Variants in USH2A observed in about 807,000 individuals in gnomAD.
USH2A encodes the protein usherin, also known as Usher syndrome 2A (autosomal recessive, mild).
A neutral mutation model predicts 538.9 loss-of-function variants in USH2A; 443 were observed. The ratio of observed to expected loss-of-function variants is 0.82; its 90% CI spans 0.76 to 0.89. The LOEUF (loss-of-function observed/expected upper bound fraction) is 0.89, where lower values mean the gene tolerates loss of function less well. USH2A is among the 40% of genes least tolerant of loss of function. USH2A has a pLI of 0.00. For missense variants in USH2A, 6,633 were observed against 6,324.8 expected (o/e 1.05, Z -1.65); for synonymous variants, 2,413 against 2,273.5 (o/e 1.06, Z -1.75).
At chr1:216,044,942 G>A (rs1445503399) in intron 32 of USH2A, among the ~76,000 whole-genome samples, 1 of 152,066 alleles carries the variant, frequency 6.6e-6, no homozygotes, top group African/African-American at 2.4e-5. Flanking sequence ...CAGACTAGAG[G>A]GGGGCCAAAA....
chr1:215,880,961 C>T (rs915441844), intron 41 of USH2A, among the ~76,000 whole-genome samples: 9 of 151,968 alleles, frequency 5.9e-5, no homozygotes, highest in African/African-American at 1.2e-4. Flanking sequence ...CAAAAATCAC[C>T]TGGGTGTGGT....
intron 3 of USH2A, among the ~76,000 whole-genome samples, chr1:216,411,180 C>T (rs1187305475): frequency 2.0e-5 from 3 of 152,080 alleles, no homozygotes; most frequent in Admixed American, 6.6e-5. Flanking sequence ...ACTTTGCCAG[C>T]GACACTCTAA....
intron 21 of USH2A, among the ~76,000 whole-genome samples, chr1:216,155,234 TA>T (rs1168699607): frequency 6.6e-6 from 1 of 152,084 alleles, no homozygotes; most frequent in Non-Finnish European, 1.5e-5. Context: ...TCTCAGAGAC[TA>T]AAAACCACCT....
At chr1:216,401,593 A>AT (rs1198770275) in intron 3 of USH2A, among the ~76,000 whole-genome samples, 2 of 152,070 alleles carry the variant, frequency 1.3e-5, no homozygotes, top group Non-Finnish European at 2.9e-5. Flanking sequence ...GTCAGTTGAA[A>AT]TTAGTAATCA....
intron 3 of USH2A, among the ~76,000 whole-genome samples, chr1:216,408,043 A>G (rs2039425312): frequency 6.6e-6 from 1 of 152,130 alleles, no homozygotes. Flanking sequence ...CCTTTTACAT[A>G]TATTATACAA....
At chr1:216,007,551 T>C (rs768654013) in intron 32 of USH2A, among the ~76,000 whole-genome samples, 2 of 152,170 alleles carry the variant, frequency 1.3e-5, no homozygotes, top group Non-Finnish European at 1.5e-5. Flanking sequence ...TGACCCCTGT[T>C]TTCAAGGTAG....
intron 37 of USH2A, among the ~76,000 whole-genome samples, chr1:215,951,938 C>T (rs1571840948): frequency 6.6e-6 from 1 of 151,656 alleles, no homozygotes; most frequent in African/African-American, 2.4e-5. Flanking sequence ...AATCTCGGCT[C>T]ACTGCAAGCT....
intron 21 of USH2A, among the ~76,000 whole-genome samples, chr1:216,155,625 C>A (rs896164354): frequency 6.6e-6 from 1 of 152,176 alleles, no homozygotes; most frequent in African/African-American, 2.4e-5. Flanking sequence ...TCCTAACCTT[C>A]AAGACTTCAG....
At chr1:215,703,874 C>A (rs904954904) in intron 61 of USH2A, among the ~76,000 whole-genome samples, 2 of 150,950 alleles carry the variant, frequency 1.3e-5, no homozygotes, top group Admixed American at 1.3e-4. Context: ...AAAAAAAACT[C>A]CTGCAGCTAC....
In USH2A at chr1:216,321,947, C is replaced by A. The variant is rs755735339; in HGVS notation, c.1580G>T (p.Cys527Phe). 1 of 1,613,774 alleles carries A rather than the reference C, an allele frequency of 6.2e-7. No individual in the cohort carries two copies. Among genetic ancestry groups the A allele is most frequent in the Non-Finnish European group, 8.5e-7 (1 of 1,179,854 alleles). The change falls in exon 9 of 72, where the codon TGC becomes TTC. Residue 527 changes from cysteine to phenylalanine, a missense_variant. Cys to Phe is a radical substitution (Grantham distance 205). Transcript: ENST00000307340. The part of the protein sequence containing the change: ...RCQCHGHADN[C>F]DTTSQPYRCL... ...TCTATATGGCTGGCTTGTTGTGTCG[C>A]AGTTATCGGCATGACCATGGCACTG...
At chr1:215,870,810 T>A (rs1297094587) in intron 43 of USH2A, among the ~76,000 whole-genome samples, 1 of 152,126 alleles carries the variant, frequency 6.6e-6, no homozygotes, top group Non-Finnish European at 1.5e-5. Context: ...TCAAATGGAC[T>A]TACGTGTTGA....
chr1:216,343,529 A>AG (rs572634243), intron 4 of USH2A, among the ~76,000 whole-genome samples: 110 of 151,662 alleles, frequency 7.3e-4, no homozygotes, highest in African/African-American at 2.5e-3. Flanking sequence ...ACATCTTAAA[A>AG]AAAAAAAAAA....
chr1:216,374,845 C>T (rs999428813), intron 3 of USH2A, among the ~76,000 whole-genome samples: 2 of 152,082 alleles, frequency 1.3e-5, no homozygotes, highest in African/African-American at 2.4e-5. Flanking sequence ...GTTCTAGGCT[C>T]ATTTTGTACT....
chr1:215,967,410 A>G (rs2102455631), intron 36 of USH2A, among the ~76,000 whole-genome samples: 1 of 152,134 alleles, frequency 6.6e-6, no homozygotes, highest in African/African-American at 2.4e-5. Context: ...CTTGTGATCC[A>G]CCCACTTTGA....
intron 3 of USH2A, among the ~76,000 whole-genome samples, chr1:216,367,107 A>G (rs1248491765): frequency 6.6e-6 from 1 of 152,142 alleles, no homozygotes; most frequent in African/African-American, 2.4e-5. Flanking sequence ...TGAACAGCCA[A>G]TTTTCCTTTA....
At chr1:215,809,152 T>G (rs1034871338) in intron 49 of USH2A, among the ~76,000 whole-genome samples, 2 of 152,154 alleles carry the variant, frequency 1.3e-5, no homozygotes, top group African/African-American at 2.4e-5. Flanking sequence ...GTAAAATAAT[T>G]CTATTTCGTC....
chr1:215,674,734 A>G lies in USH2A; in HGVS notation c.13177T>C (p.Tyr4393His). ...CCAGCAAGGGACTCTTTATTATCATATCTAACTAAATATTTAGTAATCTTT... is the reference window on the plus strand; with the variant it reads ...CCAGCAAGGGACTCTTTATTATCATGTCTAACTAAATATTTAGTAATCTTT... ...NGKITKYLVR[Y>H]DNKESLAGQG... The change falls in exon 63 of 72, where the codon TAT becomes CAT. Residue 4393 changes from tyrosine (Y) to histidine (H), a missense_variant. Transcript: ENST00000307340. 6.2e-7 allele frequency: 1 copy of G among 1,614,154 alleles called. No homozygotes were observed. Among genetic ancestry groups the G allele is most frequent in the Non-Finnish European group, 8.5e-7 (1 of 1,180,032 alleles).
chr1:215,958,838 T>A (rs2102448583), intron 37 of USH2A, among the ~76,000 whole-genome samples: 1 of 152,300 alleles, frequency 6.6e-6, no homozygotes, highest in South Asian at 2.1e-4. Context: ...TTTTCTTTTC[T>A]GTTTTGCAGA....
Position 216,296,732 on chromosome 1 carries a change from G to T in USH2A, c.1645-4362C>A, listed in dbSNP as rs540249434. On this transcript the variant is annotated intron_variant, in intron 9 of 71. Coordinates refer to ENST00000307340, the MANE Select transcript of USH2A (RefSeq NM_206933.4). ...AAATGAAACTCACTTCATAAAAGAA[G>T]AATATGTGGCAACCATTAAAATATT... is the stretch of plus-strand genomic sequence containing the variant. Among the ~76,000 whole-genome samples, 9 of 152,066 alleles carry T rather than the reference G, an allele frequency of 5.9e-5. No individual in the cohort carries two copies. In the South Asian group the frequency reaches 1.5e-3, roughly 25 times the overall value.
Sources: allele counts gnomAD v4.1 joint callset (sites outside exome capture counted in the v4.1 genomes callset), GRCh38; gene constraint gnomAD v4.1.1; transcripts MANE v1.5; gene names NCBI Gene and HGNC (gene_info 2026-07-23, HGNC 2026-07-21).